CYTH4: variants seen among roughly 807,000 people sequenced by gnomAD.
The protein encoded by CYTH4 is cytohesin 4.
A neutral mutation model predicts 57.5 loss-of-function variants in CYTH4; 22 were observed. That is an observed-to-expected ratio of 0.38 (90% confidence interval 0.27 to 0.55). The LOEUF is 0.55. Among genes scored for constraint, CYTH4 ranks in the 20% least tolerant of loss-of-function variants. The pLI is 0.74. For synonymous variants in CYTH4, 186 were observed against 206.5 expected (o/e 0.90, Z 0.85); for missense variants, 420 against 535.6 (o/e 0.78, Z 2.13).
At chr22:37,286,277 C>A (rs919085532) in intron 1 of CYTH4, among the ~76,000 whole-genome samples, 2 of 152,204 alleles carry the variant, frequency 1.3e-5, no homozygotes, top group Non-Finnish European at 2.9e-5. Context: ...CAGATGGACC[C>A]AGATGTGAAT....
chr22:37,311,144 G>A lies in CYTH4; in HGVS notation c.885+80G>A, dbSNP rs1017422234. 4.1e-6 allele frequency: 6 copies of A among 1,455,430 alleles called. No individual in the cohort carries two copies. The highest frequency in any genetic ancestry group is 4.8e-6 in the Non-Finnish European group (5 of 1,039,490). 90.2% of individuals were successfully genotyped at this position (1,455,430 alleles called of 1,614,324 possible). On this transcript the variant is annotated intron_variant, in intron 10 of 12. Transcript: ENST00000248901. The surrounding 1 kb of genome is among the most constrained non-coding windows in gnomAD (Gnocchi z 4.4). ...ACTTCCCAACTCCCACTGAGCAGTC[G>A]ACTCACACAGCTTTGGATCCTTTGA...
chr22:37,308,648 ATG>A (rs1003317586), intron 8 of CYTH4, among the ~76,000 whole-genome samples: 12 of 149,800 alleles, frequency 8.0e-5, no homozygotes, highest in Non-Finnish European at 1.5e-4. Context: ...GTATGCATGT[ATG>A]TGTGCATATA....
At chr22:37,308,606 GTA>G (rs1395584886) in intron 8 of CYTH4, among the ~76,000 whole-genome samples, 3 of 151,298 alleles carry the variant, frequency 2.0e-5, no homozygotes, top group African/African-American at 7.3e-5. Flanking sequence ...GAGTGTGCAT[GTA>G]TGTGTGCATA....
chr22:37,292,707 A>C lies in CYTH4; in HGVS notation c.102+4A>C, dbSNP rs1418928006. 3 of 1,613,016 alleles carry C rather than the reference A, an allele frequency of 1.9e-6. No homozygotes were observed. The highest frequency in any genetic ancestry group is 8.5e-7 in the Non-Finnish European group (1 of 1,179,698). The stretch of plus-strand genomic sequence containing the variant: ...GCAGCTCCTGGAGGACATCCAGGTG[A>C]GTGCACACTCGTGTCCACACACGTG... On this transcript the variant is annotated splice_donor_region_variant and intron_variant, in intron 2 of 12. Coordinates refer to ENST00000248901, the MANE Select transcript of CYTH4 (RefSeq NM_013385.5).
chr22:37,311,606 G>C lies in CYTH4; in HGVS notation c.957+79G>C. ...AACAGAACGTGGGGAGAGGGCCTGA[G>C]GCTGGGCTCTCCAGGAAGCCAGGCT... On this transcript the variant is annotated intron_variant, in intron 11 of 12. Transcript: ENST00000248901. This position sits in a 1 kb window ranked among gnomAD's most constrained non-coding sequence, Gnocchi z 4.4. 1 of 1,430,410 alleles carries C rather than the reference G, an allele frequency of 7.0e-7. No homozygotes were observed. The highest frequency in any genetic ancestry group is 9.8e-7 in the Non-Finnish European group (1 of 1,019,224). 88.6% of individuals were successfully genotyped at this position (1,430,410 alleles called of 1,614,324 possible).
intron 8 of CYTH4, among the ~76,000 whole-genome samples, chr22:37,305,370 C>A (rs903384957): frequency 6.6e-6 from 1 of 152,128 alleles, no homozygotes; most frequent in African/African-American, 2.4e-5. Flanking sequence ...CTTTGGCAAC[C>A]CAGAGAGGCA....
chr22:37,300,120 C>T (rs1929126177), intron 6 of CYTH4: 2 of 717,456 alleles, frequency 2.8e-6, no homozygotes, highest in African/African-American at 1.7e-5. Context: ...ACAGTGAGTG[C>T]TTAGTAAGTC....
rs1399924355 is a variant in CYTH4, at chr22:37,311,698, GA to G, written c.957+175del. The G allele has an allele frequency of 8.4e-6, 6 of 715,550 alleles. No individual in the cohort carries two copies. The highest frequency in any genetic ancestry group is 1.4e-5 in the Non-Finnish European group (6 of 430,452). The allele number at this position is 715,550 out of a possible 1,614,324, so 44.3% of individuals were successfully genotyped here. A position where few individuals can be genotyped will look rare whatever the true frequency, so the allele number is the denominator to read the frequency against. ...TCCCTCCTGGGGCCATGGACAGTGAGAAAAGGTCAATGTGGGTCCAAGGACG... is the reference window on the plus strand; with the variant it reads ...TCCCTCCTGGGGCCATGGACAGTGAGAAAGGTCAATGTGGGTCCAAGGACG... On this transcript the variant is annotated intron_variant, in intron 11 of 12. Transcript: ENST00000248901. The surrounding 1 kb of genome is among the most constrained non-coding windows in gnomAD (Gnocchi z 4.4).
intron 8 of CYTH4, chr22:37,304,388 G>T (rs1224018713): frequency 2.5e-6 from 1 of 406,080 alleles, no homozygotes; most frequent in African/African-American, 2.1e-5. Flanking sequence ...TGGGCCACAG[G>T]GAGCCAGGGG....
chr22:37,295,967 G>A lies in CYTH4; in HGVS notation c.168-32G>A, dbSNP rs1480477101. The stretch of plus-strand genomic sequence containing the variant: ...TGGAGAGGGTAATTCAGGGTCCTGG[G>A]GCAGCCCAAGCTGACGTCCTCATGT... On this transcript the variant is annotated intron_variant, in intron 3 of 12. Coordinates refer to ENST00000248901, the MANE Select transcript of CYTH4 (RefSeq NM_013385.5). This position sits in a 1 kb window ranked among gnomAD's most constrained non-coding sequence, Gnocchi z 4.1. The A allele has an allele frequency of 3.1e-6, 5 of 1,603,238 alleles. No homozygotes were observed. Among genetic ancestry groups the A allele is most frequent in the Non-Finnish European group, 3.4e-6 (4 of 1,174,082 alleles).
chr22:37,288,178 G>A (rs1928619546), intron 1 of CYTH4, among the ~76,000 whole-genome samples: 1 of 152,174 alleles, frequency 6.6e-6, no homozygotes, highest in African/African-American at 2.4e-5. Flanking sequence ...ACTTTGGGAG[G>A]CCAAAGTGGG....
chr22:37,313,987 G>A lies in CYTH4; in HGVS notation c.*476G>A, dbSNP rs576283906. The stretch of plus-strand genomic sequence containing the variant: ...CTGCCAACCCCTCCCCTGTCCTCGG[G>A]TTGGGCTTGGCCCTCTCTGCCTGAG... On this transcript the variant is annotated 3_prime_UTR_variant, in exon 13 of 13. Transcript: ENST00000248901. The A allele has an allele frequency of 1.1e-3, 282 of 253,164 alleles. No individual in the cohort carries two copies. The highest frequency in any genetic ancestry group is 2.6e-4 in the Non-Finnish European group (34 of 131,896). 15.7% of individuals were successfully genotyped at this position (253,164 alleles called of 1,614,324 possible). A position where few individuals can be genotyped will look rare whatever the true frequency, so the allele number is the denominator to read the frequency against.
chr22:37,307,378 A>C (rs1355335096), intron 8 of CYTH4, among the ~76,000 whole-genome samples: 1 of 152,112 alleles, frequency 6.6e-6, no homozygotes, highest in East Asian at 1.9e-4. Context: ...CTGTGCTGAC[A>C]GCTTTGTTGA....
chr22:37,311,635 C>A lies in CYTH4; in HGVS notation c.957+108C>A. The A allele has an allele frequency of 9.1e-7, 1 of 1,100,856 alleles. No individual in the cohort carries two copies. Among genetic ancestry groups the A allele is most frequent in the Non-Finnish European group, 1.4e-6 (1 of 734,912 alleles). The allele number at this position is 1,100,856 out of a possible 1,614,324, so 68.2% of individuals were successfully genotyped here. ...GGGCTCTCCAGGAAGCCAGGCTGTG[C>A]CCCTTACACCTTCCCTGTGGCTCAG... On this transcript the variant is annotated intron_variant, in intron 11 of 12. Transcript: ENST00000248901. The surrounding 1 kb of genome is among the most constrained non-coding windows in gnomAD (Gnocchi z 4.4).
At chr22:37,285,965 A>G (rs544657378) in intron 1 of CYTH4, among the ~76,000 whole-genome samples, 1 of 152,178 alleles carries the variant, frequency 6.6e-6, no homozygotes, top group African/African-American at 2.4e-5. Flanking sequence ...TCACGAACAC[A>G]CTTGTCAACC....
In CYTH4 at chr22:37,311,603, T is replaced by C; in HGVS notation, c.957+76T>C. Reference sequence around the variant, plus strand: ...CTAAACAGAACGTGGGGAGAGGGCCTGAGGCTGGGCTCTCCAGGAAGCCAG... The same window carrying C: ...CTAAACAGAACGTGGGGAGAGGGCCCGAGGCTGGGCTCTCCAGGAAGCCAG... On this transcript the variant is annotated intron_variant, in intron 11 of 12. Transcript: ENST00000248901. This position sits in a 1 kb window ranked among gnomAD's most constrained non-coding sequence, Gnocchi z 4.4. 1.4e-6 allele frequency: 2 copies of C among 1,450,742 alleles called. No individual in the cohort carries two copies. Among genetic ancestry groups the C allele is most frequent in the Non-Finnish European group, 9.6e-7 (1 of 1,037,074 alleles). The allele number at this position is 1,450,742 out of a possible 1,614,324, so 89.9% of individuals were successfully genotyped here.
At position 37,298,705 on chromosome 22, in the gene CYTH4, G is replaced by C. The variant is rs1412112624; in HGVS notation, c.354-521G>C. 1.3e-5 allele frequency among the ~76,000 whole-genome samples: 2 copies of C among 152,288 alleles called. No homozygotes were observed. The highest frequency in any genetic ancestry group is 1.3e-4 in the Admixed American group (2 of 15,300). On this transcript the variant is annotated intron_variant, in intron 5 of 12. Transcript: ENST00000248901. This position sits in a 1 kb window ranked among gnomAD's most constrained non-coding sequence, Gnocchi z 4.1. ...GGTCTGAGGGGTGGGCGAGTGGATA[G>C]GGGTGAAGCTGGACCAGAGAGTCAA...
intron 5 of CYTH4, 134 bp from the exon 6 acceptor site, chr22:37,299,092 A>G (rs1929081824): frequency 1.5e-6 from 1 of 682,894 alleles, no homozygotes; most frequent in Middle Eastern, 2.6e-4. Flanking sequence ...AGATGTGAAC[A>G]CACCAGATGG....
In CYTH4 at chr22:37,309,314, C is replaced by G. The variant is rs964007352; in HGVS notation, c.799C>G (p.Leu267Val). 1.3e-5 allele frequency: 21 copies of G among 1,613,940 alleles called. No homozygotes were observed. The highest frequency in any genetic ancestry group is 1.6e-5 in the Non-Finnish European group (19 of 1,179,940). Residue 267 changes from leucine to valine, a missense_variant, in exon 9 of 13, where the codon CTC becomes GTC. Physicochemically the swap from Leu to Val is conservative, Grantham distance 32. Coordinates refer to ENST00000248901, the MANE Select transcript of CYTH4 (RefSeq NM_013385.5). Reference sequence around the variant, plus strand: ...CAATCCAGACCGGGAGGGTTGGCTGCTCAAGCTAGGTGAGAGACCGACAGA... The same window carrying G: ...CAATCCAGACCGGGAGGGTTGGCTGGTCAAGCTAGGTGAGAGACCGACAGA... ...FFNPDREGWL[L>V]KLGGRVKTWK...
Sources: gnomAD v4.1 joint callset for allele counts (sites outside exome capture counted in the v4.1 genomes callset) on GRCh38, gnomAD v4.1.1 for gene constraint, Gnocchi (gnomAD v3.1) non-coding constraint, MANE v1.5 for transcripts, NCBI Gene and HGNC (gene_info 2026-07-23, HGNC 2026-07-21) for gene names.